The following MNAT1 variants were observed in gnomAD, a reference collection of about 807,000 sequenced individuals.
MNAT1 encodes MNAT1 component of CDK activating kinase.
MNAT1 carries 43 observed loss-of-function variants against 42.0 expected under a neutral mutation model. That is an observed-to-expected ratio of 1.02 (90% CI 0.80 to 1.32). The LOEUF (loss-of-function observed/expected upper bound fraction) is 1.32. MNAT1 is among the 40% of genes most tolerant of loss of function. The probability of loss-of-function intolerance (pLI) is 0.00; values close to 1 mark genes in which losing one functional copy is unlikely to be tolerated. For missense variants in MNAT1, 306 were observed against 350.4 expected (o/e 0.87, Z 1.01); for synonymous variants, 118 against 120.0 (o/e 0.98, Z 0.11).
chr14:60,939,175 A>G (rs917900526), intron 7 of MNAT1, among the ~76,000 whole-genome samples: 8 of 152,048 alleles, frequency 5.3e-5, no homozygotes, highest in South Asian at 2.1e-4. Flanking sequence ...GATCTTTTCA[A>G]AAAACCAGCT....
intron 7 of MNAT1, among the ~76,000 whole-genome samples, chr14:60,918,990 G>A (rs1189529480): frequency 1.3e-5 from 2 of 152,064 alleles, no homozygotes; most frequent in South Asian, 2.1e-4. Flanking sequence ...CAAGTGAAGG[G>A]GCAAGAGAAG....
chr14:60,939,665 T>C (rs2036096589), intron 7 of MNAT1, among the ~76,000 whole-genome samples: 1 of 152,176 alleles, frequency 6.6e-6, no homozygotes, highest in Non-Finnish European at 1.5e-5. Flanking sequence ...TGTGGTCAAT[T>C]TTGGAATAGG....
rs1376896665 is a variant in MNAT1 at position 60,911,312 on chromosome 14, G to T, written c.809+31477G>T. Reference sequence around the variant, plus strand: ...ATTGATTTTTTTAAGGGTTTTTTGTGTCTCTATTTCCGTCAGTTCTGCTCT... The same window carrying T: ...ATTGATTTTTTTAAGGGTTTTTTGTTTCTCTATTTCCGTCAGTTCTGCTCT... On this transcript the variant is annotated intron_variant, in intron 7 of 7. Coordinates refer to ENST00000261245, the MANE Select transcript of MNAT1 (RefSeq NM_002431.4). Among the ~76,000 whole-genome samples the T allele has an allele frequency of 2.0e-5, 3 of 152,060 alleles. No individual in the cohort carries two copies. The East Asian group carries it at 5.8e-4, about 29-fold the overall frequency.
chr14:60,884,982 G>T (rs1031923551), intron 7 of MNAT1, among the ~76,000 whole-genome samples: 2 of 151,830 alleles, frequency 1.3e-5, no homozygotes, highest in South Asian at 4.1e-4. Flanking sequence ...ACTATTCTAG[G>T]GCAAAAGCTT....
intron 7 of MNAT1, among the ~76,000 whole-genome samples, chr14:60,943,618 T>C (rs535663913): frequency 0.032 from 130 of 4,070 alleles, no homozygotes; most frequent in Admixed American, 0.14. Flanking sequence ...TTGTTTCTCT[T>C]TTTTTTTTTA....
intron 6 of MNAT1, among the ~76,000 whole-genome samples, chr14:60,840,500 A>T (rs1442058681): frequency 1.3e-5 from 2 of 152,224 alleles, no homozygotes; most frequent in Admixed American, 1.3e-4. Context: ...CATTGGCTGG[A>T]AGCAGCCCAT....
At position 60,740,502 on chromosome 14, in the gene MNAT1, A is replaced by C. The variant is rs1896433280; in HGVS notation, c.89+5551A>C. On this transcript the variant is annotated intron_variant, in intron 1 of 7. Coordinates refer to ENST00000261245, the MANE Select transcript of MNAT1 (RefSeq NM_002431.4). This position sits in a 1 kb window ranked among gnomAD's most constrained non-coding sequence, Gnocchi z 4.1. ...CCTCTAAATTGTTAGTTATGTTTAA[A>C]AGTTTTATCAGATTAAGTTTGAATT... 6.6e-6 allele frequency among the ~76,000 whole-genome samples: 1 copy of C among 152,154 alleles called. No individual in the cohort carries two copies. Among genetic ancestry groups the C allele is most frequent in the Admixed American group, 6.5e-5 (1 of 15,272 alleles).
chr14:60,889,752 C>T (rs1345816149), intron 7 of MNAT1, among the ~76,000 whole-genome samples: 2 of 151,854 alleles, frequency 1.3e-5, no homozygotes, highest in Non-Finnish European at 2.9e-5. Context: ...AACAAATTTG[C>T]AAGAAAAAAC....
chr14:60,754,561 C>A (rs1392437625), intron 1 of MNAT1, among the ~76,000 whole-genome samples: 2 of 151,790 alleles, frequency 1.3e-5, no homozygotes, highest in African/African-American at 2.4e-5. Flanking sequence ...GTGTTAGCCA[C>A]GATGGTCTCG....
chr14:60,771,400 C>A (rs897680976), intron 1 of MNAT1, among the ~76,000 whole-genome samples: 1 of 152,120 alleles, frequency 6.6e-6, no homozygotes, highest in African/African-American at 2.4e-5. Flanking sequence ...CCTTCTGTTA[C>A]TTCTTTTTCA....
chr14:60,821,077 A>T (rs140496534), intron 6 of MNAT1, among the ~76,000 whole-genome samples: 286 of 152,310 alleles, frequency 1.9e-3, no homozygotes, highest in African/African-American at 6.7e-3. Context: ...CTTATGCTCA[A>T]TTCACACTGA....
At chr14:60,796,983 T>G (rs549703308) in intron 2 of MNAT1, among the ~76,000 whole-genome samples, 1 of 152,206 alleles carries the variant, frequency 6.6e-6, no homozygotes, top group East Asian at 1.9e-4. Flanking sequence ...GCATAGTAAA[T>G]ATATGTGTGT....
intron 7 of MNAT1, among the ~76,000 whole-genome samples, chr14:60,884,407 A>G (rs1287736202): frequency 6.6e-6 from 1 of 152,056 alleles, no homozygotes; most frequent in African/African-American, 2.4e-5. Flanking sequence ...TTCCTGGGAT[A>G]AATCACATGT....
intron 3 of MNAT1, among the ~76,000 whole-genome samples, chr14:60,799,108 A>C (rs749304293): frequency 3.9e-5 from 6 of 152,188 alleles, no homozygotes; most frequent in Non-Finnish European, 8.8e-5. Context: ...TGTTACCTGA[A>C]ACTTTTCTCA....
intron 1 of MNAT1, among the ~76,000 whole-genome samples, chr14:60,776,965 A>G (rs1359497785): frequency 6.6e-6 from 1 of 152,050 alleles, no homozygotes; most frequent in Non-Finnish European, 1.5e-5. Flanking sequence ...CTCCTACCCC[A>G]GCCTCCTGAG....
chr14:60,797,798 G>A (rs550582826), intron 2 of MNAT1, among the ~76,000 whole-genome samples: 3 of 152,100 alleles, frequency 2.0e-5, no homozygotes, highest in Non-Finnish European at 4.4e-5. Context: ...ATGGTGGTGT[G>A]CGCCTGTAAT....
At chr14:60,929,462 A>T (rs1338152282) in intron 7 of MNAT1, among the ~76,000 whole-genome samples, 1 of 151,840 alleles carries the variant, frequency 6.6e-6, no homozygotes, top group Admixed American at 6.6e-5. Context: ...TAATTTTTGT[A>T]TGTGGTGTGG....
At chr14:60,814,995 T>C (rs1224827466) in intron 5 of MNAT1, among the ~76,000 whole-genome samples, 1 of 152,156 alleles carries the variant, frequency 6.6e-6, no homozygotes, top group Non-Finnish European at 1.5e-5. Flanking sequence ...TAATTATAAT[T>C]GTTTTATTGA....
chr14:60,838,927 C>A lies in MNAT1; in HGVS notation c.687+20080C>A, dbSNP rs527398669. Among the ~76,000 whole-genome samples the A allele has an allele frequency of 3.9e-5, 6 of 152,248 alleles. No individual in the cohort carries two copies. The East Asian group carries it at 9.7e-4, about 25-fold the overall frequency. On this transcript the variant is annotated intron_variant, in intron 6 of 7. Transcript: ENST00000261245. The stretch of plus-strand genomic sequence containing the variant: ...GCTTGGGGCAGCACTGACCTGCCAG[C>A]CCCCTGTCACCTCAGCCCCCTCTGG...
Sources: allele counts gnomAD v4.1 joint callset (sites outside exome capture counted in the v4.1 genomes callset), GRCh38; gene constraint gnomAD v4.1.1; non-coding constraint Gnocchi (gnomAD v3.1); transcripts MANE v1.5; gene names NCBI Gene and HGNC (gene_info 2026-07-23, HGNC 2026-07-21).